The following AGAP1 variants were observed in gnomAD, a reference collection of about 807,000 sequenced individuals.
The protein encoded by AGAP1 is arf-GAP with GTPase, ANK repeat and PH domain-containing protein 1.
In AGAP1, 29 loss-of-function variants were observed where a neutral mutation model predicts 105.3. The ratio of observed to expected loss-of-function variants is 0.28; its 90% CI spans 0.21 to 0.38. AGAP1 has a LOEUF of 0.38. Among genes scored for constraint, AGAP1 ranks in the 10% least tolerant of loss-of-function variants. The pLI is 1.00. For synonymous variants in AGAP1, 509 were observed against 485.9 expected (o/e 1.05, Z -0.63); for missense variants, 998 against 1,165.1 (o/e 0.86, Z 2.09).
chr2:235,666,171 C>T (rs1948121351), intron 1 of AGAP1, among the ~76,000 whole-genome samples: 1 of 151,174 alleles, frequency 6.6e-6, no homozygotes. Flanking sequence ...TACCCGGCTG[C>T]TGTTTGGTTT....
In AGAP1 at chr2:235,689,023, C is replaced by T. The variant is rs752803325; in HGVS notation, c.164-20156C>T. On this transcript the variant is annotated intron_variant, in intron 1 of 17. Coordinates refer to ENST00000304032, the MANE Select transcript of AGAP1 (RefSeq NM_001037131.3). This position sits in a 1 kb window ranked among gnomAD's most constrained non-coding sequence, Gnocchi z 4.2. ...CAGCGATTCCAGCAACAACCCTGTG[C>T]GGTAGATTATTGTCCCATAAATCTA... Among the ~76,000 whole-genome samples, 8 of 151,782 alleles carry T rather than the reference C, an allele frequency of 5.3e-5. No individual in the cohort carries two copies. The South Asian group carries it at 1.0e-3, about 20-fold the overall frequency.
intron 16 of AGAP1, among the ~76,000 whole-genome samples, chr2:236,063,235 A>G (rs1027313283): frequency 6.6e-6 from 1 of 151,940 alleles, no homozygotes; most frequent in African/African-American, 2.4e-5. Flanking sequence ...GATTACAGGT[A>G]CCCGCCACCA....
At position 236,035,864 on chromosome 2, in the gene AGAP1, A is replaced by G. The variant is rs1576127862; in HGVS notation, c.1646-697A>G. The stretch of plus-strand genomic sequence containing the variant: ...TTTTCCTTCATTTTATGGGTTAGAA[A>G]AAATGAACCTCAGGGGAGTCCAGGA... On this transcript the variant is annotated intron_variant, in intron 13 of 17. Transcript: ENST00000304032. The surrounding 1 kb of genome is among the most constrained non-coding windows in gnomAD (Gnocchi z 4.2). Among the ~76,000 whole-genome samples, 2 of 152,270 alleles carry G rather than the reference A, an allele frequency of 1.3e-5. No individual in the cohort carries two copies. The highest frequency in any genetic ancestry group is 3.9e-4 in the East Asian group (2 of 5,156).
chr2:235,818,438 T>C (rs1307704953), intron 9 of AGAP1, among the ~76,000 whole-genome samples: 1 of 151,902 alleles, frequency 6.6e-6, no homozygotes, highest in Non-Finnish European at 1.5e-5. Flanking sequence ...CATGACCGTC[T>C]TTTTTTTGTT....
intron 11 of AGAP1, among the ~76,000 whole-genome samples, chr2:235,925,488 T>G (rs1170881132): frequency 1.1e-4 from 17 of 152,156 alleles, no homozygotes; most frequent in Admixed American, 1.1e-3. Flanking sequence ...CGTGGCTTCC[T>G]GCAGACCCCA....
At chr2:235,647,956 C>A (rs1370166495) in intron 1 of AGAP1, among the ~76,000 whole-genome samples, 1 of 152,046 alleles carries the variant, frequency 6.6e-6, no homozygotes, top group East Asian at 1.9e-4. Flanking sequence ...GAAATTTGAA[C>A]CAATCAGAAA....
chr2:235,706,629 C>T (rs1380606735), intron 1 of AGAP1, among the ~76,000 whole-genome samples: 3 of 152,212 alleles, frequency 2.0e-5, no homozygotes, highest in African/African-American at 7.2e-5. Context: ...TTGATAGTAG[C>T]CTGGGGACTT....
chr2:235,549,059 G>C lies in AGAP1; in HGVS notation c.163+54210G>C, dbSNP rs1943719109. On this transcript the variant is annotated intron_variant, in intron 1 of 17. Transcript: ENST00000304032. This position sits in a 1 kb window ranked among gnomAD's most constrained non-coding sequence, Gnocchi z 4.2. ...CTGCAGGGCAGCTTGTGCAGAAACTGGGACCTGCTCTCCTTGTAGAGACAC... is the reference window on the plus strand; with the variant it reads ...CTGCAGGGCAGCTTGTGCAGAAACTCGGACCTGCTCTCCTTGTAGAGACAC... 6.6e-6 allele frequency among the ~76,000 whole-genome samples: 1 copy of C among 152,214 alleles called. No homozygotes were observed. Among genetic ancestry groups the C allele is most frequent in the African/African-American group, 2.4e-5 (1 of 41,454 alleles).
intron 13 of AGAP1, among the ~76,000 whole-genome samples, chr2:236,024,414 G>A (rs1206278963): frequency 6.6e-6 from 1 of 152,120 alleles, no homozygotes; most frequent in African/African-American, 2.4e-5. Flanking sequence ...CAAGAGCACA[G>A]TGCAGTTGTC....
chr2:235,624,262 T>C (rs1946570181), intron 1 of AGAP1, among the ~76,000 whole-genome samples: 2 of 152,218 alleles, frequency 1.3e-5, no homozygotes, highest in African/African-American at 4.8e-5. Flanking sequence ...CGTGTTGGTG[T>C]TTATGGAAGA....
Position 236,121,044 on chromosome 2 carries a change from G to T in AGAP1, c.2370+597G>T, listed in dbSNP as rs1212487142. On this transcript the variant is annotated intron_variant, in intron 17 of 17. Transcript: ENST00000304032. This position sits in a 1 kb window ranked among gnomAD's most constrained non-coding sequence, Gnocchi z 4.9. ...GAGAAGCCACGCCCACTTAGGGGCT[G>T]CCTGTGGACCCCTGGGGCTTCTGCT... Among the ~76,000 whole-genome samples, 1 of 152,232 alleles carries T rather than the reference G, an allele frequency of 6.6e-6. No individual in the cohort carries two copies. The highest frequency in any genetic ancestry group is 1.9e-4 in the East Asian group (1 of 5,186).
chr2:235,712,787 T>C lies in AGAP1; in HGVS notation c.222+3550T>C, dbSNP rs1221776993. ...GATTTTCAAGACACCTCATTCCTCC[T>C]CATGTAGCTCTTTGGCTCGCTCTGG... On this transcript the variant is annotated intron_variant, in intron 2 of 17. Transcript: ENST00000304032. This position sits in a 1 kb window ranked among gnomAD's most constrained non-coding sequence, Gnocchi z 6.0. 6.6e-6 allele frequency among the ~76,000 whole-genome samples: 1 copy of C among 152,218 alleles called. No homozygotes were observed. The highest frequency in any genetic ancestry group is 2.4e-5 in the African/African-American group (1 of 41,468).
At chr2:235,925,124 AC>A (rs2052382331) in intron 11 of AGAP1, among the ~76,000 whole-genome samples, 1 of 152,154 alleles carries the variant, frequency 6.6e-6, no homozygotes, top group South Asian at 2.1e-4. Flanking sequence ...GTATAAGTGT[AC>A]CCTCGGCTTC....
rs888036414 is a variant in AGAP1, at chr2:235,867,045, A to G, written c.1051-16300A>G. The stretch of plus-strand genomic sequence containing the variant: ...GATGGGCGTCGGGGGGTGCTTGCTT[A>G]TGCGGAGCCTGTGACCCTGCAGCTC... On this transcript the variant is annotated intron_variant, in intron 9 of 17. Coordinates refer to ENST00000304032, the MANE Select transcript of AGAP1 (RefSeq NM_001037131.3). The surrounding 1 kb of genome is among the most constrained non-coding windows in gnomAD (Gnocchi z 5.4). Among the ~76,000 whole-genome samples, 4 of 152,182 alleles carry G rather than the reference A, an allele frequency of 2.6e-5. No individual in the cohort carries two copies. Among genetic ancestry groups the G allele is most frequent in the African/African-American group, 9.7e-5 (4 of 41,430 alleles).
At chr2:235,847,404 A>G (rs1961625895) in intron 9 of AGAP1, among the ~76,000 whole-genome samples, 1 of 152,224 alleles carries the variant, frequency 6.6e-6, no homozygotes. Context: ...AATGAAAATG[A>G]TGTTGTTACA....
chr2:235,933,662 A>G (rs576511472), intron 12 of AGAP1, among the ~76,000 whole-genome samples: 1 of 151,642 alleles, frequency 6.6e-6, no homozygotes, highest in Non-Finnish European at 1.5e-5. Flanking sequence ...GCTCCCGAGT[A>G]GCTGGGACTG....
chr2:235,944,129 G>T (rs1049755358), intron 12 of AGAP1, among the ~76,000 whole-genome samples: 1 of 152,124 alleles, frequency 6.6e-6, no homozygotes, highest in Non-Finnish European at 1.5e-5. Flanking sequence ...TCTTACTATA[G>T]TTGCAGGGAA....
chr2:235,497,636 G>T (rs1056190895), intron 1 of AGAP1, among the ~76,000 whole-genome samples: 2 of 152,174 alleles, frequency 1.3e-5, no homozygotes, highest in Admixed American at 1.3e-4. Flanking sequence ...TCGCTCTGTC[G>T]CCCAGGCTGG....
chr2:236,075,965 G>A (rs1361469582), intron 16 of AGAP1, among the ~76,000 whole-genome samples: 2 of 152,196 alleles, frequency 1.3e-5, no homozygotes, highest in African/African-American at 2.4e-5. Context: ...AGAGGAGGCC[G>A]GGGCAGCGTG....
Sources: gnomAD v4.1 joint callset for allele counts (sites outside exome capture counted in the v4.1 genomes callset) on GRCh38, gnomAD v4.1.1 for gene constraint, Gnocchi (gnomAD v3.1) non-coding constraint, MANE v1.5 for transcripts, NCBI Gene and HGNC (gene_info 2026-07-23, HGNC 2026-07-21) for gene names.